The following BFAR variants were observed in gnomAD, a reference collection of about 807,000 sequenced individuals.
BFAR encodes bifunctional apoptosis regulator.
In BFAR, 52 loss-of-function variants were observed where a neutral mutation model predicts 54.4. The ratio of observed to expected loss-of-function variants is 0.96; its 90% confidence interval spans 0.77 to 1.21. The LOEUF (loss-of-function observed/expected upper bound fraction) is 1.21. Ranked by LOEUF, BFAR falls within the 50% of genes most tolerant of loss-of-function variation. The probability of loss-of-function intolerance (pLI) is 0.00; values close to 1 mark genes in which losing one functional copy is unlikely to be tolerated. For missense variants in BFAR, 571 were observed against 534.0 expected (o/e 1.07, Z -0.68); for synonymous variants, 215 against 204.3 (o/e 1.05, Z -0.45).
In BFAR at chr16:14,644,441, T is replaced by G. The variant is rs761869155; in HGVS notation, c.95T>G (p.Phe32Cys). Residue 32 changes from phenylalanine (F) to cysteine (C), a missense_variant, in exon 2 of 8, where the codon TTT becomes TGT. By Grantham distance (205) the Phe-to-Cys change is radical. Coordinates refer to ENST00000261658, the MANE Select transcript of BFAR (RefSeq NM_016561.3). ...STGPQISVSE[F>C]SCHCCYDILV... Reference sequence around the variant, plus strand: ...GGCCCTCAGATTTCTGTTAGTGAATTTTCTTGCCACTGCTGCTACGACATC... The same window carrying G: ...GGCCCTCAGATTTCTGTTAGTGAATGTTCTTGCCACTGCTGCTACGACATC... 6.2e-7 allele frequency: 1 copy of G among 1,613,970 alleles called. No homozygotes were observed. The highest frequency in any genetic ancestry group is 8.5e-7 in the Non-Finnish European group (1 of 1,180,018).
chr16:14,641,395 C>A (rs1041990917), intron 1 of BFAR, among the ~76,000 whole-genome samples: 2 of 152,036 alleles, frequency 1.3e-5, no homozygotes, highest in Non-Finnish European at 2.9e-5. Context: ...GAGGTGGAGG[C>A]CTTCTCAAAG....
At chr16:14,635,234 C>A (rs898612173) in intron 1 of BFAR, among the ~76,000 whole-genome samples, 1 of 152,120 alleles carries the variant, frequency 6.6e-6, no homozygotes, top group Non-Finnish European at 1.5e-5. Flanking sequence ...ACTTGTGAGG[C>A]TGAGAAACAA....
intron 2 of BFAR, among the ~76,000 whole-genome samples, chr16:14,648,007 C>T (rs1424812417): frequency 2.6e-5 from 4 of 151,938 alleles, no homozygotes; most frequent in African/African-American, 4.8e-5. Flanking sequence ...TGGGAGGCCC[C>T]GGTGGGCAGA....
chr16:14,666,363 G>T (rs912446688), intron 7 of BFAR, among the ~76,000 whole-genome samples: 3 of 152,150 alleles, frequency 2.0e-5, no homozygotes, highest in African/African-American at 7.2e-5. Flanking sequence ...CTGAGGTCAG[G>T]AGTTCGAGAC....
At chr16:14,658,078 A>T (rs1354875693) in intron 5 of BFAR, among the ~76,000 whole-genome samples, 1 of 152,172 alleles carries the variant, frequency 6.6e-6, no homozygotes, top group Non-Finnish European at 1.5e-5. Context: ...GGACACAGAC[A>T]CACAAGAGTT....
chr16:14,655,328 T>G, intron 5 of BFAR, 118 bp downstream of exon 5: 1 of 910,354 alleles, frequency 1.1e-6, no homozygotes, highest in South Asian at 4.7e-5. Flanking sequence ...ATTTATTTAT[T>G]TATTTTATTT....
chr16:14,659,225 G>GTTTTTTTTTTTTTTTTT (rs1295639386), intron 5 of BFAR, among the ~76,000 whole-genome samples: 2 of 141,432 alleles, frequency 1.4e-5, no homozygotes, highest in Non-Finnish European at 1.6e-5. Flanking sequence ...ATGCAATTTG[G>GTTTTTTTTTTTTTTTTT]TTTTTTTTGT....
At position 14,644,555 on chromosome 16, in the gene BFAR, G is replaced by A. The variant is rs1959730372; in HGVS notation, c.209G>A (p.Cys70Tyr). The A allele has an allele frequency of 3.7e-6, 6 of 1,613,802 alleles. No individual in the cohort carries two copies. Among genetic ancestry groups the A allele is most frequent in the African/African-American group, 1.3e-5 (1 of 74,842 alleles). Reference sequence around the variant, plus strand: ...TGGGCATCTTCAAAGAAAACAGAATGTCCAGAATGCAGAGAAAAATGGGAA... The same window carrying A: ...TGGGCATCTTCAAAGAAAACAGAATATCCAGAATGCAGAGAAAAATGGGAA... ...LWWASSKKTE[C>Y]PECREKWEGF... is the part of the protein sequence containing the mutation. Residue 70 changes from cysteine to tyrosine, a missense_variant, in exon 2 of 8, where the codon TGT (cysteine) becomes TAT (tyrosine). Physicochemically the swap from Cys to Tyr is radical, Grantham distance 194 (BLOSUM62 -2). Coordinates refer to ENST00000261658, the MANE Select transcript of BFAR (RefSeq NM_016561.3).
rs1959871094 is a variant in BFAR at position 14,648,551 on chromosome 16, G to C, written c.427G>C (p.Gly143Arg). The C allele has an allele frequency of 6.2e-7, 1 of 1,613,966 alleles. No homozygotes were observed. Among genetic ancestry groups the C allele is most frequent in the Admixed American group, 1.7e-5 (1 of 59,980 alleles). ...CCGAGCGAATCAGCAGATGGGAGGG[G>C]GATTCTTTTCCGGTGTGCTCACAGC... is the stretch of plus-strand genomic sequence containing the variant. ...TGRANQQMGG[G>R]FFSGVLTALT... Residue 143 changes from glycine to arginine, a missense_variant, in exon 3 of 8, where the codon GGA becomes CGA. By Grantham distance (125) the Gly-to-Arg change is moderately radical. Transcript: ENST00000261658.
At position 14,649,905 on chromosome 16, in the gene BFAR, G is replaced by A. The variant is rs767714613; in HGVS notation, c.570G>A (p.Trp190Ter). ...AKWTAEEVVL[W>*]LEQLGPWASL... Reference sequence around the variant, plus strand: ...GGACGGCGGAAGAAGTTGTCCTCTGGCTGGAGCAGCTGGGCCCTTGGGCAT... The same window carrying A: ...GGACGGCGGAAGAAGTTGTCCTCTGACTGGAGCAGCTGGGCCCTTGGGCAT... Residue 190 changes from tryptophan (W) to a stop codon, truncating the protein, a stop_gained, in exon 4 of 8, where the codon TGG becomes TGA. Transcript: ENST00000261658. LOFTEE classifies it high-confidence loss of function. 3.1e-6 allele frequency: 5 copies of A among 1,613,638 alleles called. No individual in the cohort carries two copies. The highest frequency in any genetic ancestry group is 1.3e-5 in the African/African-American group (1 of 74,940).
chr16:14,644,022 G>A (rs141764680), intron 1 of BFAR, among the ~76,000 whole-genome samples: 323 of 151,928 alleles, frequency 2.1e-3, no homozygotes, highest in Middle Eastern at 6.8e-3. Context: ...AATTAGCTGG[G>A]TATGGTGGGT....
rs79046833 is a variant in BFAR at position 14,661,504 on chromosome 16, C to T, written c.784-388C>T. ...GCAACCTCCACCTCCCAGGTTCAAG[C>T]GATTCTCCAGCCTCAGCCTCCTGAG... On this transcript the variant is annotated intron_variant, in intron 5 of 7. Transcript: ENST00000261658. Among the ~76,000 whole-genome samples, 7 of 143,128 alleles carry T rather than the reference C, an allele frequency of 4.9e-5. No homozygotes were observed. The East Asian group carries it at 1.5e-3, about 30-fold the overall frequency. 93.9% of individuals were successfully genotyped at this position (143,128 alleles called of 152,430 possible). A position where few individuals can be genotyped will look rare whatever the true frequency, so the allele number is the denominator to read the frequency against.
intron 4 of BFAR, among the ~76,000 whole-genome samples, chr16:14,652,483 G>A (rs1959999835): frequency 6.6e-6 from 1 of 151,778 alleles, no homozygotes; most frequent in Admixed American, 6.6e-5. Flanking sequence ...GTTTCGCCAT[G>A]TTGACCAGGC....
intron 6 of BFAR, among the ~76,000 whole-genome samples, chr16:14,664,242 T>C (rs549202487): frequency 1.3e-5 from 2 of 151,820 alleles, no homozygotes; most frequent in Non-Finnish European, 2.9e-5. Flanking sequence ...TGCAGAACAA[T>C]TGCTTAGGGT....
chr16:14,665,206 C>A, intron 7 of BFAR, 135 bp downstream of exon 7: 1 of 886,464 alleles, frequency 1.1e-6, no homozygotes, highest in Non-Finnish European at 1.7e-6. Flanking sequence ...CTTTGAGAAA[C>A]CTAGCTTAAG....
At chr16:14,653,333 A>G (rs766423373) in intron 4 of BFAR, among the ~76,000 whole-genome samples, 13 of 151,842 alleles carry the variant, frequency 8.6e-5, no homozygotes, top group Non-Finnish European at 1.8e-4. Flanking sequence ...TTTTAATTTA[A>G]TTTTTATTTT....
In BFAR at chr16:14,667,997, GGCAC is replaced by G; in HGVS notation, c.*172_*175del. ...GTCCTCTCCCCCTCAGCCTGTGGGT[GGCAC>G]GAGCAAGGACTGACATCCGCACAGG... On this transcript the variant is annotated 3_prime_UTR_variant, in exon 8 of 8. Coordinates refer to ENST00000261658, the MANE Select transcript of BFAR (RefSeq NM_016561.3). 1.5e-6 allele frequency: 1 copy of G among 687,602 alleles called. No individual in the cohort carries two copies. Among genetic ancestry groups the G allele is most frequent in the Non-Finnish European group, 2.4e-6 (1 of 418,544 alleles). The allele number at this position is 687,602 out of a possible 1,614,324, so 42.6% of individuals were successfully genotyped here.
chr16:14,652,331 G>A (rs1959994620), intron 4 of BFAR, among the ~76,000 whole-genome samples: 1 of 151,234 alleles, frequency 6.6e-6, no homozygotes, highest in African/African-American at 2.4e-5. Flanking sequence ...CCAGGCTGGA[G>A]TGCAGTGGCA....
At chr16:14,633,272 C>G (rs1426518510) in intron 1 of BFAR, 1 of 152,388 alleles carries the variant, frequency 6.6e-6, no homozygotes, top group African/African-American at 2.4e-5. Context: ...GTCGCTGGGC[C>G]TCGCCTGCGT....
Sources: gnomAD v4.1 joint callset for allele counts (sites outside exome capture counted in the v4.1 genomes callset) on GRCh38, gnomAD v4.1.1 for gene constraint, MANE v1.5 for transcripts, NCBI Gene and HGNC (gene_info 2026-07-23, HGNC 2026-07-21) for gene names.